The following B3GNT5 variants were observed in gnomAD, a reference collection of about 807,000 sequenced individuals.
B3GNT5 encodes the protein UDP-GlcNAc:betaGal beta-1,3-N-acetylglucosaminyltransferase 5, also known as lactosylceramide 1,3-N-acetyl-beta-D-glucosaminyltransferase.
In B3GNT5, 11 loss-of-function variants were observed where a neutral mutation model predicts 25.9. The ratio of observed to expected loss-of-function variants is 0.42; its 90% CI spans 0.27 to 0.70. The LOEUF is 0.70. Ranked by LOEUF, B3GNT5 falls within the 30% of genes least tolerant of loss-of-function variation. B3GNT5 has a pLI of 0.23. For missense variants in B3GNT5, 385 were observed against 458.4 expected (o/e 0.84, Z 1.46); for synonymous variants, 166 against 158.6 (o/e 1.05, Z -0.35).
At chr3:183,253,646 T>G (rs1300598801) in intron 1 of B3GNT5, 174 bp downstream of exon 1, 4 of 152,318 alleles carry the variant, frequency 2.6e-5, no homozygotes, top group African/African-American at 9.6e-5. Context: ...AAGACCCGCC[T>G]GAGCCTGCGT....
rs1236520151 is a variant in B3GNT5 at position 183,272,480 on chromosome 3, C to A, written c.*1545C>A. 2 of 998,370 alleles carry A rather than the reference C, an allele frequency of 2.0e-6. No homozygotes were observed. Among genetic ancestry groups the A allele is most frequent in the Non-Finnish European group, 2.4e-6 (2 of 828,624 alleles). 61.8% of individuals were successfully genotyped at this position (998,370 alleles called of 1,614,324 possible). ...ATACACAACTGAATGATGATACTTA[C>A]AATTTTTAGCAGGTAGCTTTTTAAT... is the stretch of plus-strand genomic sequence containing the variant. On this transcript the variant is annotated 3_prime_UTR_variant, in exon 2 of 2. Transcript: ENST00000326505.
rs765493334 is a variant in B3GNT5 at position 183,270,698 on chromosome 3, T to C, written c.900T>C (p.His300=). ...AAATAGGGATAGTACCGCAGGACCATGTGTTTTTTTCTGGAGAGGGTAAAA... is the reference window on the plus strand; with the variant it reads ...AAATAGGGATAGTACCGCAGGACCACGTGTTTTTTTCTGGAGAGGGTAAAA... ...ANKIGIVPQD[H]VFFSGEGKTP... is the part of the protein sequence containing the mutation. The change falls in exon 2 of 2, where the codon CAT becomes CAC. Residue 300 remains histidine (H), a synonymous_variant. Coordinates refer to ENST00000326505, the MANE Select transcript of B3GNT5 (RefSeq NM_032047.5). This position sits in a 1 kb window ranked among gnomAD's most constrained non-coding sequence, Gnocchi z 4.5. 4 of 1,613,880 alleles carry C rather than the reference T, an allele frequency of 2.5e-6. No individual in the cohort carries two copies. Among genetic ancestry groups the C allele is most frequent in the Admixed American group, 1.7e-5 (1 of 59,974 alleles).
chr3:183,270,916 G>C lies in B3GNT5; in HGVS notation c.1118G>C (p.Cys373Ser), dbSNP rs762989510. 1.3e-6 allele frequency: 2 copies of C among 1,582,236 alleles called. No homozygotes were observed. The highest frequency in any genetic ancestry group is 1.7e-6 in the Non-Finnish European group (2 of 1,167,780). ...CKISYVDTYP[C>S]RAAFI ...ATTAGCTATGTGGACACATACCCTT[G>C]TAGGGCTGCGTTTATCTAATAGTAC... Residue 373 changes from cysteine to serine, a missense_variant, in exon 2 of 2, where the codon TGT becomes TCT. Physicochemically the swap from Cys to Ser is moderately radical, Grantham distance 112 (BLOSUM62 -1). Transcript: ENST00000326505. The surrounding 1 kb of genome is among the most constrained non-coding windows in gnomAD (Gnocchi z 4.5).
chr3:183,271,003 T>C lies in B3GNT5; in HGVS notation c.*68T>C. ...CCTGGATGAAAAAAACCTTTAAATG[T>C]TCGTCTATACCCTAAGTAAAATGAG... On this transcript the variant is annotated 3_prime_UTR_variant, in exon 2 of 2. Coordinates refer to ENST00000326505, the MANE Select transcript of B3GNT5 (RefSeq NM_032047.5). 5 of 1,412,072 alleles carry C rather than the reference T, an allele frequency of 3.5e-6. No homozygotes were observed. The highest frequency in any genetic ancestry group is 4.8e-6 in the Non-Finnish European group (5 of 1,043,922). 87.5% of individuals were successfully genotyped at this position (1,412,072 alleles called of 1,614,324 possible). A position where few individuals can be genotyped will look rare whatever the true frequency, so the allele number is the denominator to read the frequency against.
chr3:183,255,479 A>G (rs935846308), intron 1 of B3GNT5, among the ~76,000 whole-genome samples: 1 of 152,150 alleles, frequency 6.6e-6, no homozygotes, highest in Non-Finnish European at 1.5e-5. Context: ...CCTCCCGCAC[A>G]CGCTCTGAGC....
chr3:183,261,465 A>G (rs1725576046), intron 1 of B3GNT5, among the ~76,000 whole-genome samples: 1 of 152,210 alleles, frequency 6.6e-6, no homozygotes, highest in Non-Finnish European at 1.5e-5. Flanking sequence ...AAGTAATAAA[A>G]GTTTAAATGT....
chr3:183,268,731 C>A (rs922386050), intron 1 of B3GNT5, among the ~76,000 whole-genome samples: 1 of 152,136 alleles, frequency 6.6e-6, no homozygotes, highest in African/African-American at 2.4e-5. Context: ...AACGGTCTTA[C>A]CCCAATTTGT....
chr3:183,253,943 G>A (rs904726246), intron 1 of B3GNT5: 1 of 152,174 alleles, frequency 6.6e-6, no homozygotes, highest in Admixed American at 6.5e-5. Flanking sequence ...GAAAGTTCTG[G>A]CCGCTCGGCG....
rs528040959 is a variant in B3GNT5, at chr3:183,267,410, G to T, written c.-301-2088G>T. ...ACCCTGATGTGGAGTGATCATGGGG[G>T]TGGGAAATATAGCTGGATCCGAAAG... On this transcript the variant is annotated intron_variant, in intron 1 of 1. Coordinates refer to ENST00000326505, the MANE Select transcript of B3GNT5 (RefSeq NM_032047.5). The surrounding 1 kb of genome is among the most constrained non-coding windows in gnomAD (Gnocchi z 5.5). Among the ~76,000 whole-genome samples, 3 of 152,366 alleles carry T rather than the reference G, an allele frequency of 2.0e-5. No homozygotes were observed. The highest frequency in any genetic ancestry group is 1.9e-4 in the East Asian group (1 of 5,188).
Position 183,269,980 on chromosome 3 carries a change from C to G in B3GNT5, c.182C>G (p.Thr61Ser), listed in dbSNP as rs1365005604. ...LINSYDFVNDTLSLKHTSAGP... is the reference protein window; with the variant it reads ...LINSYDFVNDSLSLKHTSAGP... ...AATAGCTATGACTTTGTGAATGATA[C>G]CCTGTCTCTTAAGCACACCTCAGCG... The change falls in exon 2 of 2, where the codon ACC becomes AGC. Residue 61 changes from threonine (T) to serine (S), a missense_variant. Physicochemically the swap from Thr to Ser is moderately conservative, Grantham distance 58. Transcript: ENST00000326505. 6.8e-6 allele frequency: 11 copies of G among 1,613,938 alleles called. No homozygotes were observed. Among genetic ancestry groups the G allele is most frequent in the African/African-American group, 2.7e-5 (2 of 74,880 alleles).
chr3:183,273,131 G>T lies in B3GNT5; in HGVS notation c.*2196G>T. 1 of 764,650 alleles carries T rather than the reference G, an allele frequency of 1.3e-6. No homozygotes were observed. Among genetic ancestry groups the T allele is most frequent in the Non-Finnish European group, 2.0e-6 (1 of 499,678 alleles). 47.4% of individuals were successfully genotyped at this position (764,650 alleles called of 1,614,324 possible). ...AAACTTTTTGGTGCTCCAGTGTAGG[G>T]CTATCTTTTTAAAAAATGTCAACAA... On this transcript the variant is annotated 3_prime_UTR_variant, in exon 2 of 2. Transcript: ENST00000326505.
In B3GNT5 at chr3:183,272,580, TTAAC is replaced by T. The variant is rs1251948394; in HGVS notation, c.*1649_*1652del. The T allele has an allele frequency of 2.4e-5, 24 of 994,084 alleles. No individual in the cohort carries two copies. The highest frequency in any genetic ancestry group is 2.8e-5 in the Non-Finnish European group (23 of 824,632). The allele number at this position is 994,084 out of a possible 1,614,324, so 61.6% of individuals were successfully genotyped here. ...ACATTGCTTAGATAATTTAGAATTT[TTAAC>T]TAATGTCAAAACTACAGTGTCAAAC... On this transcript the variant is annotated 3_prime_UTR_variant, in exon 2 of 2. Transcript: ENST00000326505.
chr3:183,254,856 C>T (rs943288477), intron 1 of B3GNT5: 2 of 152,272 alleles, frequency 1.3e-5, no homozygotes, highest in Non-Finnish European at 2.9e-5. Context: ...CGTGGCCACT[C>T]TTTCCTTTGA....
intron 1 of B3GNT5, among the ~76,000 whole-genome samples, chr3:183,257,169 T>G (rs1258570091): frequency 6.6e-6 from 1 of 152,228 alleles, no homozygotes; most frequent in Non-Finnish European, 1.5e-5. Flanking sequence ...GGACTGACAT[T>G]GTCAACAAGT....
chr3:183,260,362 A>G (rs956759561), intron 1 of B3GNT5, among the ~76,000 whole-genome samples: 2 of 152,162 alleles, frequency 1.3e-5, no homozygotes, highest in Non-Finnish European at 2.9e-5. Context: ...AGGCAAGAAA[A>G]AAACTGACAA....
intron 1 of B3GNT5, among the ~76,000 whole-genome samples, chr3:183,262,812 G>T (rs1027557978): frequency 6.6e-6 from 1 of 152,118 alleles, no homozygotes; most frequent in Non-Finnish European, 1.5e-5. Flanking sequence ...GAACAGTCAC[G>T]TAGCACTGAA....
Position 183,270,466 on chromosome 3 carries a change from T to A in B3GNT5, c.668T>A (p.Val223Asp). ...IGVQDFWIGRVHRGAPPIRDK... is the reference protein window; with the variant it reads ...IGVQDFWIGRDHRGAPPIRDK... ...GTTCAAGACTTTTGGATTGGTCGTG[T>A]TCATCGTGGTGCCCCTCCCATTAGA... is the stretch of plus-strand genomic sequence containing the variant. The change falls in exon 2 of 2, where the codon GTT (valine) becomes GAT (aspartate). Residue 223 changes from valine (V) to aspartate (D), a missense_variant. Val to Asp is a radical substitution (Grantham distance 152). Coordinates refer to ENST00000326505, the MANE Select transcript of B3GNT5 (RefSeq NM_032047.5). This position sits in a 1 kb window ranked among gnomAD's most constrained non-coding sequence, Gnocchi z 4.5. 1.2e-6 allele frequency: 2 copies of A among 1,614,214 alleles called. No individual in the cohort carries two copies. The highest frequency in any genetic ancestry group is 1.7e-6 in the Non-Finnish European group (2 of 1,180,028).
rs1291941056 is a variant in B3GNT5, at chr3:183,273,101, G to A, written c.*2166G>A. ...AGGGTTCCAACCTTTTAAAAAAGAA[G>A]GAAAAAACTTTTTGGTGCTCCAGTG... On this transcript the variant is annotated 3_prime_UTR_variant, in exon 2 of 2. Transcript: ENST00000326505. 3 of 1,304,680 alleles carry A rather than the reference G, an allele frequency of 2.3e-6. No individual in the cohort carries two copies. The highest frequency in any genetic ancestry group is 3.1e-6 in the Non-Finnish European group (3 of 971,622). 80.8% of individuals were successfully genotyped at this position (1,304,680 alleles called of 1,614,324 possible).
In B3GNT5 at chr3:183,267,936, TCA is replaced by T. The variant is rs1213976839; in HGVS notation, c.-301-1556_-301-1555del. On this transcript the variant is annotated intron_variant, in intron 1 of 1. Transcript: ENST00000326505. This position sits in a 1 kb window ranked among gnomAD's most constrained non-coding sequence, Gnocchi z 5.5. ...ACATTTGGGGAATGCCTACCAGGGGTCACACACTGAGCTGGATGCTGAGTGTA... is the reference window on the plus strand; with the variant it reads ...ACATTTGGGGAATGCCTACCAGGGGTCACACTGAGCTGGATGCTGAGTGTA... 6.6e-6 allele frequency among the ~76,000 whole-genome samples: 1 copy of T among 152,198 alleles called. No individual in the cohort carries two copies. Among genetic ancestry groups the T allele is most frequent in the African/African-American group, 2.4e-5 (1 of 41,446 alleles).
Sources: allele counts gnomAD v4.1 joint callset (sites outside exome capture counted in the v4.1 genomes callset), GRCh38; gene constraint gnomAD v4.1.1; non-coding constraint Gnocchi (gnomAD v3.1); transcripts MANE v1.5; gene names NCBI Gene and HGNC (gene_info 2026-07-23, HGNC 2026-07-21).